TCF23: variants seen among roughly 807,000 people sequenced by gnomAD.
The protein encoded by TCF23 is class A basic helix-loop-helix protein 24.
Under a neutral mutation model 13.0 loss-of-function variants are expected in TCF23, and 7 were observed. The ratio of observed to expected loss-of-function variants is 0.54; its 90% CI spans 0.31 to 1.01. The LOEUF (loss-of-function observed/expected upper bound fraction) is 1.01. Ranked by LOEUF, TCF23 falls within the 50% of genes least tolerant of loss-of-function variation. The pLI is 0.06. For missense variants in TCF23, 257 were observed against 289.8 expected (o/e 0.89, Z 0.82); for synonymous variants, 122 against 119.5 (o/e 1.02, Z -0.14).
In TCF23 at chr2:27,152,696, G is replaced by T. The variant is rs764416990; in HGVS notation, c.474G>T (p.Pro158=). 1.9e-6 allele frequency: 3 copies of T among 1,613,246 alleles called. No individual in the cohort carries two copies. Among genetic ancestry groups the T allele is most frequent in the East Asian group, 2.2e-5 (1 of 44,862 alleles). ...LRYLHPLKKW[P]MRSRLYAGGL... ...CAATCTGTGTCTTGCAGAAGTGGCCGATGCGATCTCGTCTCTATGCTGGAG... is the reference window on the plus strand; with the variant it reads ...CAATCTGTGTCTTGCAGAAGTGGCCTATGCGATCTCGTCTCTATGCTGGAG... Residue 158 remains proline (P), a synonymous_variant, in exon 3 of 3, where the codon CCG becomes CCT. Transcript: ENST00000296096.
chr2:27,152,239 G>A (rs1392488701), intron 2 of TCF23, among the ~76,000 whole-genome samples: 2 of 152,270 alleles, frequency 1.3e-5, no homozygotes, highest in Non-Finnish European at 2.9e-5. Flanking sequence ...CCCAGGTGGA[G>A]AGGTTGTGAA....
intron 1 of TCF23, chr2:27,149,693 T>G: frequency 1.7e-6 from 1 of 588,814 alleles, no homozygotes; most frequent in Non-Finnish European, 3.3e-6. Context: ...TTCTGTGTCT[T>G]TCCTCTTTCC....
At position 27,150,293 on chromosome 2, in the gene TCF23, A is replaced by G. The variant is rs550752748; in HGVS notation, c.393A>G (p.Thr131=). 17 of 1,613,536 alleles carry G rather than the reference A, an allele frequency of 1.1e-5. No individual in the cohort carries two copies. In the South Asian group the frequency reaches 1.8e-4, roughly 17 times the overall value. Residue 131 remains threonine, a synonymous_variant, in exon 2 of 3, where the codon ACA becomes ACG. Transcript: ENST00000296096. This position sits in a 1 kb window ranked among gnomAD's most constrained non-coding sequence, Gnocchi z 4.1. The part of the protein sequence containing the change: ...AASYIAHLTR[T]LGHELPGPAW... ...GCTACATAGCCCACCTCACCCGCAC[A>G]CTCGGCCACGAGTTGCCTGGCCCTG... is the stretch of plus-strand genomic sequence containing the variant.
At chr2:27,149,570 C>A in intron 1 of TCF23, 1 of 654,202 alleles carries the variant, frequency 1.5e-6, no homozygotes, top group Non-Finnish European at 2.8e-6. Flanking sequence ...GCTGCACTAA[C>A]TCACTTCTCT....
rs1273794586 is a variant in TCF23 at position 27,153,755 on chromosome 2, T to C, written c.*888T>C. On this transcript the variant is annotated 3_prime_UTR_variant, in exon 3 of 3. Transcript: ENST00000296096. ...CTTACATTCCAGTTTCCAGAGAAACTTTTAGATAGTCCCAGATGCCTAGTT... is the reference window on the plus strand; with the variant it reads ...CTTACATTCCAGTTTCCAGAGAAACCTTTAGATAGTCCCAGATGCCTAGTT... 1 of 152,190 alleles carries C rather than the reference T, an allele frequency of 6.6e-6. No homozygotes were observed. The highest frequency in any genetic ancestry group is 1.5e-5 in the Non-Finnish European group (1 of 68,054). 9.4% of individuals were successfully genotyped at this position (152,190 alleles called of 1,614,324 possible).
chr2:27,152,078 C>T (rs536426604), intron 2 of TCF23, among the ~76,000 whole-genome samples: 5 of 152,298 alleles, frequency 3.3e-5, no homozygotes, highest in Non-Finnish European at 5.9e-5. Flanking sequence ...TAGTTTCCTT[C>T]GCTGTAAAAT....
In TCF23 at chr2:27,152,831, C is replaced by T. The variant is rs1672781384; in HGVS notation, c.609C>T (p.Ser203=). ...CTGGAGAGGCAGATGCTCTCCTTTC[C>T]ACCACACCACTCTCACCAGCTCTTG... ...QVPGEADALL[S]TTPLSPALGD... Residue 203 remains serine (S), a synonymous_variant, in exon 3 of 3, where the codon TCC becomes TCT. Transcript: ENST00000296096. The T allele has an allele frequency of 1.2e-6, 2 of 1,614,100 alleles. No individual in the cohort carries two copies. Among genetic ancestry groups the T allele is most frequent in the Admixed American group, 1.7e-5 (1 of 60,018 alleles).
Position 27,150,637 on chromosome 2 carries a change from G to A in TCF23, c.465+272G>A, listed in dbSNP as rs1172617306. On this transcript the variant is annotated intron_variant, in intron 2 of 2. Transcript: ENST00000296096. This position sits in a 1 kb window ranked among gnomAD's most constrained non-coding sequence, Gnocchi z 4.1. Reference sequence around the variant, plus strand: ...GGAGGGAAAGACTCTGGGGTTCTTAGAGTCACAGGGAAAAATGTAGCAGGT... The same window carrying A: ...GGAGGGAAAGACTCTGGGGTTCTTAAAGTCACAGGGAAAAATGTAGCAGGT... Among the ~76,000 whole-genome samples the A allele has an allele frequency of 1.3e-5, 2 of 152,120 alleles. No homozygotes were observed. The highest frequency in any genetic ancestry group is 2.4e-5 in the African/African-American group (1 of 41,422).
chr2:27,149,083 T>C lies in TCF23; in HGVS notation c.-51T>C, dbSNP rs917325091. ...AGCCAGCTAGCTTGAGTCCAAGGCC[T>C]CCTCAGGCACTGTGTTTCTGCTCTG... On this transcript the variant is annotated 5_prime_UTR_variant, in exon 1 of 3. Transcript: ENST00000296096. The C allele has an allele frequency of 6.7e-5, 102 of 1,513,566 alleles. No homozygotes were observed. The highest frequency in any genetic ancestry group is 7.8e-5 in the Non-Finnish European group (87 of 1,120,500). The allele number at this position is 1,513,566 out of a possible 1,614,324, so 93.8% of individuals were successfully genotyped here. A position where few individuals can be genotyped will look rare whatever the true frequency, so the allele number is the denominator to read the frequency against.
chr2:27,151,221 C>A (rs914951869), intron 2 of TCF23, among the ~76,000 whole-genome samples: 1 of 152,152 alleles, frequency 6.6e-6, no homozygotes, highest in African/African-American at 2.4e-5. Context: ...CCAGGGACAG[C>A]GCCATAAGGA....
In TCF23 at chr2:27,153,854, T is replaced by C. The variant is rs1236735234; in HGVS notation, c.*987T>C. ...CTTATGGCCTTAAATATGAAGGATA[T>C]TGACAGAATCAATTACATCCTTGAA... On this transcript the variant is annotated 3_prime_UTR_variant, in exon 3 of 3. Coordinates refer to ENST00000296096, the MANE Select transcript of TCF23 (RefSeq NM_175769.3). 1.3e-5 allele frequency: 2 copies of C among 152,260 alleles called. No homozygotes were observed. Among genetic ancestry groups the C allele is most frequent in the East Asian group, 3.8e-4 (2 of 5,202 alleles). The allele number at this position is 152,260 out of a possible 1,614,324, so 9.4% of individuals were successfully genotyped here. A position where few individuals can be genotyped will look rare whatever the true frequency, so the allele number is the denominator to read the frequency against.
rs1572361626 is a variant in TCF23 at position 27,156,113 on chromosome 2, G to A, written c.*3246G>A. 1 of 152,252 alleles carries A rather than the reference G, an allele frequency of 6.6e-6. No homozygotes were observed. The highest frequency in any genetic ancestry group is 2.1e-4 in the South Asian group (1 of 4,832). The allele number at this position is 152,252 out of a possible 1,614,324, so 9.4% of individuals were successfully genotyped here. A position where few individuals can be genotyped will look rare whatever the true frequency, so the allele number is the denominator to read the frequency against. On this transcript the variant is annotated 3_prime_UTR_variant, in exon 3 of 3. Coordinates refer to ENST00000296096, the MANE Select transcript of TCF23 (RefSeq NM_175769.3). ...CCGGGGTCGGGGGTGGATCATCTGA[G>A]GTCAGGAGTTCAAGACCAGCCTGAC...
At chr2:27,151,525 G>T (rs1471980887) in intron 2 of TCF23, among the ~76,000 whole-genome samples, 2 of 152,010 alleles carry the variant, frequency 1.3e-5, no homozygotes, top group Non-Finnish European at 2.9e-5. Flanking sequence ...GTAGAGATAG[G>T]GTTTCACCAC....
Position 27,149,090 on chromosome 2 carries a change from G to A in TCF23, c.-44G>A. 6.5e-7 allele frequency: 1 copy of A among 1,528,050 alleles called. No individual in the cohort carries two copies. Among genetic ancestry groups the A allele is most frequent in the Non-Finnish European group, 8.8e-7 (1 of 1,130,352 alleles). 94.7% of individuals were successfully genotyped at this position (1,528,050 alleles called of 1,614,324 possible). A position where few individuals can be genotyped will look rare whatever the true frequency, so the allele number is the denominator to read the frequency against. ...TAGCTTGAGTCCAAGGCCTCCTCAG[G>A]CACTGTGTTTCTGCTCTGTGGGCTG... On this transcript the variant is annotated 5_prime_UTR_variant, in exon 1 of 3. Coordinates refer to ENST00000296096, the MANE Select transcript of TCF23 (RefSeq NM_175769.3).
intron 2 of TCF23, 49 bp from the exon 3 acceptor site, chr2:27,152,639 G>T: frequency 6.3e-7 from 1 of 1,585,346 alleles, no homozygotes. Flanking sequence ...CCTGGACCAC[G>T]AAGGGCTGCA....
rs149327435 is a variant in TCF23 at position 27,152,700 on chromosome 2, C to T, written c.478C>T (p.Arg160Ter). 5.6e-6 allele frequency: 9 copies of T among 1,613,138 alleles called. No homozygotes were observed. In the East Asian group the frequency reaches 8.9e-5, roughly 16 times the overall value. Residue 160 changes from arginine to a stop codon, truncating the protein, a stop_gained, in exon 3 of 3, where the codon CGA becomes TGA. Coordinates refer to ENST00000296096, the MANE Select transcript of TCF23 (RefSeq NM_175769.3). LOFTEE classifies it low-confidence loss of function (END_TRUNC). ...CTGTGTCTTGCAGAAGTGGCCGATG[C>T]GATCTCGTCTCTATGCTGGAGGCCT... is the stretch of plus-strand genomic sequence containing the variant. ...YLHPLKKWPM[R>*]SRLYAGGLGY...
intron 2 of TCF23, 114 bp from the exon 3 acceptor site, chr2:27,152,574 G>A: frequency 2.5e-6 from 3 of 1,210,436 alleles, no homozygotes; most frequent in Non-Finnish European, 3.5e-6. Context: ...AGTGATGGCT[G>A]GGGAAGGTGT....
At chr2:27,149,841 T>G (rs1672732326) in intron 1 of TCF23, 2 of 689,440 alleles carry the variant, frequency 2.9e-6, no homozygotes, top group Non-Finnish European at 5.4e-6. Flanking sequence ...GGACAAAGGC[T>G]CTGAGGAGGC....
Position 27,149,126 on chromosome 2 carries a change from G to A in TCF23, c.-8G>A, listed in dbSNP as rs1174670781. The A allele has an allele frequency of 1.3e-6, 2 of 1,549,172 alleles. No homozygotes were observed. The highest frequency in any genetic ancestry group is 1.4e-5 in the African/African-American group (1 of 72,984). ...CTGCTCTGTGGGCTGCAGCCCCAGTGGGGTGGCATGTCACAGAGGAAGGCC... is the reference window on the plus strand; with the variant it reads ...CTGCTCTGTGGGCTGCAGCCCCAGTAGGGTGGCATGTCACAGAGGAAGGCC... On this transcript the variant is annotated 5_prime_UTR_variant, in exon 1 of 3. Transcript: ENST00000296096.
Sources: gnomAD v4.1 joint callset for allele counts (sites outside exome capture counted in the v4.1 genomes callset) on GRCh38, gnomAD v4.1.1 for gene constraint, Gnocchi (gnomAD v3.1) non-coding constraint, MANE v1.5 for transcripts, NCBI Gene and HGNC (gene_info 2026-07-23, HGNC 2026-07-21) for gene names.